The following CD2AP variants were observed in gnomAD, a reference collection of about 807,000 sequenced individuals.
The protein encoded by CD2AP is CD2-associated protein.
In CD2AP, 46 loss-of-function variants were observed where a neutral mutation model predicts 85.1. The ratio of observed to expected loss-of-function variants is 0.54; its 90% CI spans 0.43 to 0.69. The LOEUF is 0.69. Ranked by LOEUF, CD2AP falls within the 30% of genes least tolerant of loss-of-function variation. The probability of loss-of-function intolerance (pLI) is 0.00; values close to 1 mark genes in which losing one functional copy is unlikely to be tolerated. For missense variants in CD2AP, 769 were observed against 729.5 expected (o/e 1.05, Z -0.62); for synonymous variants, 255 against 252.9 (o/e 1.01, Z -0.08).
At chr6:47,505,717 T>G (rs866865755) in intron 2 of CD2AP, among the ~76,000 whole-genome samples, 2 of 54,660 alleles carry the variant, frequency 3.7e-5, no homozygotes, top group Non-Finnish European at 9.2e-5. Context: ...CTGGCCGGGC[T>G]GAGGGGCTCC....
At chr6:47,586,677 T>TA (rs898783880) in intron 11 of CD2AP, among the ~76,000 whole-genome samples, 1 of 152,106 alleles carries the variant, frequency 6.6e-6, no homozygotes, top group Admixed American at 6.6e-5. Context: ...CAGAAAATGT[T>TA]AAAAAATTAC....
At chr6:47,478,377 T>C in intron 1 of CD2AP, 129 bp downstream of exon 1, 2 of 1,048,544 alleles carry the variant, frequency 1.9e-6, no homozygotes, top group Non-Finnish European at 1.4e-6. Context: ...CCCTCTCCAT[T>C]CTCCCCACCG....
intron 1 of CD2AP, among the ~76,000 whole-genome samples, chr6:47,489,779 A>T (rs1274148664): frequency 6.6e-6 from 1 of 152,188 alleles, no homozygotes; most frequent in Non-Finnish European, 1.5e-5. Context: ...CATTGTTCTC[A>T]TTTTAAAACT....
At position 47,625,169 on chromosome 6, in the gene CD2AP, G is replaced by A. The variant is rs540202475; in HGVS notation, c.*942G>A. ...ATTATCTTGTCACTTAGTTCTTCAT[G>A]TTTCTCCTTCTGACTTTTAATAATG... On this transcript the variant is annotated 3_prime_UTR_variant, in exon 18 of 18. Transcript: ENST00000359314. 1.3e-5 allele frequency: 2 copies of A among 151,726 alleles called. No homozygotes were observed. The highest frequency in any genetic ancestry group is 4.8e-5 in the African/African-American group (2 of 41,374). The allele number at this position is 151,726 out of a possible 1,614,324, so 9.4% of individuals were successfully genotyped here. A position where few individuals can be genotyped will look rare whatever the true frequency, so the allele number is the denominator to read the frequency against.
At chr6:47,510,058 C>A (rs9395268) in intron 2 of CD2AP, among the ~76,000 whole-genome samples, 133,124 of 152,170 alleles carry the variant, frequency 0.87, 58,535 homozygotes, top group Non-Finnish European at 0.92. Flanking sequence ...ATTTAATGAA[C>A]TGCCTGCTAG....
chr6:47,498,297 C>T (rs1765917704), intron 1 of CD2AP, among the ~76,000 whole-genome samples: 1 of 152,122 alleles, frequency 6.6e-6, no homozygotes, highest in Non-Finnish European at 1.5e-5. Context: ...CCAGTATTGC[C>T]AATGAGAAGT....
chr6:47,491,259 ATGTGTGTGTGTATGTGTG>A (rs1398613138), intron 1 of CD2AP, among the ~76,000 whole-genome samples: 4 of 120,780 alleles, frequency 3.3e-5, no homozygotes, highest in East Asian at 2.7e-4. Context: ...TCTTCCTGAT[ATGTGTGTGTGTATGTGTG>A]TGTGTGTGTG....
chr6:47,542,184 A>G (rs1427345526), intron 3 of CD2AP, among the ~76,000 whole-genome samples: 1 of 152,046 alleles, frequency 6.6e-6, no homozygotes, highest in Non-Finnish European at 1.5e-5. Context: ...TATGTATTCA[A>G]GTTTTATCAC....
At chr6:47,547,613 A>G (rs1334425036) in intron 4 of CD2AP, among the ~76,000 whole-genome samples, 6 of 152,168 alleles carry the variant, frequency 3.9e-5, no homozygotes, top group Non-Finnish European at 8.8e-5. Context: ...AGCATTAGAC[A>G]GGTCATCAAG....
chr6:47,511,126 TAG>T, intron 2 of CD2AP, among the ~76,000 whole-genome samples: 1 of 31,860 alleles, frequency 3.1e-5, no homozygotes, highest in Non-Finnish European at 9.0e-5. Flanking sequence ...GGAAAAATAG[TAG>T]CTTAGTAGCT....
chr6:47,492,536 G>A (rs1457795832), intron 1 of CD2AP, among the ~76,000 whole-genome samples: 1 of 151,890 alleles, frequency 6.6e-6, no homozygotes, highest in African/African-American at 2.4e-5. Context: ...TGTAGAGATA[G>A]CATCTTGCTA....
At chr6:47,524,387 A>C (rs1159800058) in intron 2 of CD2AP, among the ~76,000 whole-genome samples, 1 of 152,100 alleles carries the variant, frequency 6.6e-6, no homozygotes, top group Admixed American at 6.5e-5. Context: ...TGTAAGCCTC[A>C]TGTTTTTTCC....
chr6:47,622,162 G>A (rs995887516), intron 17 of CD2AP, among the ~76,000 whole-genome samples: 5 of 152,158 alleles, frequency 3.3e-5, no homozygotes, highest in African/African-American at 7.2e-5. Flanking sequence ...CAGCTCCCAC[G>A]CAAACTGAAG....
chr6:47,505,942 G>A (rs1176590732), intron 2 of CD2AP, among the ~76,000 whole-genome samples: 15 of 94,184 alleles, frequency 1.6e-4, no homozygotes, highest in Admixed American at 4.7e-4. Context: ...GCTGCCGGGC[G>A]GAGACGCTCC....
chr6:47,589,780 A>G (rs985005827), intron 11 of CD2AP, among the ~76,000 whole-genome samples: 2 of 151,998 alleles, frequency 1.3e-5, no homozygotes, highest in African/African-American at 4.8e-5. Flanking sequence ...CAAGGAGACA[A>G]AAATTAGAGT....
At chr6:47,509,556 A>T (rs1766263490) in intron 2 of CD2AP, among the ~76,000 whole-genome samples, 1 of 152,248 alleles carries the variant, frequency 6.6e-6, no homozygotes, top group South Asian at 2.1e-4. Flanking sequence ...TTATCTCTTG[A>T]AACAACAGAG....
At chr6:47,518,342 C>G (rs986414805) in intron 2 of CD2AP, among the ~76,000 whole-genome samples, 7 of 152,158 alleles carry the variant, frequency 4.6e-5, no homozygotes, top group Non-Finnish European at 7.4e-5. Flanking sequence ...TTAGAACATT[C>G]ATTATCTGCA....
chr6:47,488,843 A>T (rs1251728907), intron 1 of CD2AP, among the ~76,000 whole-genome samples: 1 of 151,992 alleles, frequency 6.6e-6, no homozygotes, highest in East Asian at 1.9e-4. Context: ...GCGAGCCATG[A>T]TTGTGCCATT....
chr6:47,579,128 A>G (rs533078001), intron 8 of CD2AP, among the ~76,000 whole-genome samples: 2 of 152,322 alleles, frequency 1.3e-5, no homozygotes, highest in East Asian at 3.9e-4. Context: ...AGCCAGGCAC[A>G]GTGGCTCATG....
Sources: gnomAD v4.1 joint callset for allele counts (sites outside exome capture counted in the v4.1 genomes callset) on GRCh38, gnomAD v4.1.1 for gene constraint, MANE v1.5 for transcripts, NCBI Gene and HGNC (gene_info 2026-07-23, HGNC 2026-07-21) for gene names.